The following PLEKHN1 variants were observed in gnomAD, a reference collection of about 807,000 sequenced individuals.
PLEKHN1 encodes pleckstrin homology domain containing N1.
Under a neutral mutation model 72.8 loss-of-function variants are expected in PLEKHN1, and 68 were observed. The observed-to-expected ratio is 0.93, with a 90% confidence interval of 0.77 to 1.14. The LOEUF is 1.14. Ranked by LOEUF, PLEKHN1 falls within the 50% of genes most tolerant of loss-of-function variation. The pLI is 0.00. For missense variants in PLEKHN1, 1,015 were observed against 840.5 expected (o/e 1.21, Z -2.57); for synonymous variants, 454 against 371.6 (o/e 1.22, Z -2.55).
In PLEKHN1 at chr1:973,223, G is replaced by A. The variant is rs775569859; in HGVS notation, c.1190G>A (p.Arg397Gln). The change falls in exon 12 of 16, where the codon CGG becomes CAG. Residue 397 changes from arginine to glutamine, a missense_variant. By Grantham distance (43) the Arg-to-Gln change is conservative. Coordinates refer to ENST00000379410, the MANE Select transcript of PLEKHN1 (RefSeq NM_032129.3). ...TCTGACCGTGCCAGCATTGGCCGACGGAGGACCGAGCTGAGACGCAGTGGC... is the reference window on the plus strand; with the variant it reads ...TCTGACCGTGCCAGCATTGGCCGACAGAGGACCGAGCTGAGACGCAGTGGC... Reference protein sequence around the residue: ...ANSDRASIGRRRTELRRSGSS... With the variant: ...ANSDRASIGRQRTELRRSGSS... 7.5e-5 allele frequency: 116 copies of A among 1,541,296 alleles called. No individual in the cohort carries two copies. The highest frequency in any genetic ancestry group is 2.0e-4 in the East Asian group (8 of 40,618).
rs890025939 is a variant in PLEKHN1 at position 973,710 on chromosome 1, G to A, written c.1434+70G>A. 3.7e-5 allele frequency: 58 copies of A among 1,580,418 alleles called. 1 individual carries two copies. Among genetic ancestry groups the A allele is most frequent in the South Asian group, 2.7e-4 (24 of 89,606 alleles). On this transcript the variant is annotated intron_variant, in intron 13 of 15. Transcript: ENST00000379410. ...GCCTGAGGCTGGGGAGGTCTAGACC[G>A]TGCGTCTCACCCTGGGGTCTGGGGC...
chr1:973,588 C>T lies in PLEKHN1; in HGVS notation c.1382C>T (p.Thr461Ile), dbSNP rs147671258. Residue 461 changes from threonine (T) to isoleucine (I), a missense_variant, in exon 13 of 16, where the codon ACA becomes ATA. Thr to Ile is a moderately conservative substitution (Grantham distance 89). Coordinates refer to ENST00000379410, the MANE Select transcript of PLEKHN1 (RefSeq NM_032129.3). ...SHSPLYADPYTPPATSHRRVT... is the reference protein window; with the variant it reads ...SHSPLYADPYIPPATSHRRVT... ...TCGCCCCTCTATGCCGACCCCTACA[C>T]ACCACCCGCCACCTCCCACCGCAGG... The T allele has an allele frequency of 2.2e-4, 353 of 1,613,186 alleles. No homozygotes were observed. Among genetic ancestry groups the T allele is most frequent in the South Asian group, 1.2e-3 (105 of 91,076 alleles).
intron 14 of PLEKHN1, 126 bp downstream of exon 14, chr1:974,177 G>A (rs575752278): frequency 1.3e-6 from 2 of 1,497,236 alleles, no homozygotes; most frequent in South Asian, 1.1e-5. Context: ...TGGAGGCCAG[G>A]GGGGCCAGTA....
At chr1:971,848 G>C (rs1643346260) in intron 8 of PLEKHN1, among the ~76,000 whole-genome samples, 1 of 152,244 alleles carries the variant, frequency 6.6e-6, no homozygotes. Flanking sequence ...CAAGAGGCCA[G>C]TCCTGTGGCT....
At chr1:969,437 TTGTG>T (rs768269811) in intron 2 of PLEKHN1, among the ~76,000 whole-genome samples, 4 of 151,626 alleles carry the variant, frequency 2.6e-5, no homozygotes, top group African/African-American at 4.9e-5. Flanking sequence ...GTTGGTGTAT[TTGTG>T]TGTGTGTGGA....
rs1570035909 is a variant in PLEKHN1 at position 971,296 on chromosome 1, T to A, written c.709-28T>A. The A allele has an allele frequency of 5.1e-6, 8 of 1,556,828 alleles. No individual in the cohort carries two copies. The East Asian group carries it at 1.9e-4, about 37-fold the overall frequency. ...GTGCAACAGCAGCTCAGTTCCCTCA[T>A]CGCCTGACCCCACCCCCACCCACCC... On this transcript the variant is annotated intron_variant, in intron 7 of 15. Transcript: ENST00000379410.
At position 972,393 on chromosome 1, in the gene PLEKHN1, T is replaced by A; in HGVS notation, c.971T>A (p.Leu324Gln). The change falls in exon 10 of 16, where the codon CTG becomes CAG. Residue 324 changes from leucine to glutamine, a missense_variant. Coordinates refer to ENST00000379410, the MANE Select transcript of PLEKHN1 (RefSeq NM_032129.3). Reference sequence around the variant, plus strand: ...ACCCACAGGGAGGGGGCCCCGCCGCTGCCTGGTGCCGAGAGCTTCCCAGGG... The same window carrying A: ...ACCCACAGGGAGGGGGCCCCGCCGCAGCCTGGTGCCGAGAGCTTCCCAGGG... ...AVTHREGAPP[L>Q]PGAESFPGSQ... 1 of 1,586,976 alleles carries A rather than the reference T, an allele frequency of 6.3e-7. No individual in the cohort carries two copies. The highest frequency in any genetic ancestry group is 1.3e-5 in the African/African-American group (1 of 74,646).
intron 2 of PLEKHN1, among the ~76,000 whole-genome samples, chr1:968,219 C>T (rs958293610): frequency 1.3e-5 from 2 of 152,210 alleles, no homozygotes; most frequent in Non-Finnish European, 2.9e-5. Flanking sequence ...GAAAGCCATG[C>T]GTCTGTCTGT....
Position 974,507 on chromosome 1 carries a change from T to C in PLEKHN1, c.1768T>C (p.Ser590Pro). ...YDHLWDETLS[S>P]SHQKCPQLGG... The stretch of plus-strand genomic sequence containing the variant: ...CCACCTCTGGGACGAGACTTTGTCT[T>C]CCTCCCACCAGAAGTGCCCCCAGCT... Residue 590 changes from serine (S) to proline (P), a missense_variant, in exon 16 of 16, where the codon TCC becomes CCC. Coordinates refer to ENST00000379410, the MANE Select transcript of PLEKHN1 (RefSeq NM_032129.3). 1 of 1,612,590 alleles carries C rather than the reference T, an allele frequency of 6.2e-7. No homozygotes were observed. The highest frequency in any genetic ancestry group is 8.5e-7 in the Non-Finnish European group (1 of 1,179,884).
rs145729592 is a variant in PLEKHN1, at chr1:970,703, G to A, written c.429G>A (p.Thr143=). The change falls in exon 5 of 16, where the codon ACG becomes ACA. Residue 143 remains threonine (T), a synonymous_variant. Transcript: ENST00000379410. The surrounding 1 kb of genome is among the most constrained non-coding windows in gnomAD (Gnocchi z 4.2). ...GLTFQGLLPL[T]ELSVCPLEGS... ...CCTGGCAGGGGCTGTTACCGCTGAC[G>A]GAGCTGAGTGTCTGCCCGCTCGAGG... The A allele has an allele frequency of 4.4e-5, 71 of 1,597,410 alleles. No homozygotes were observed. Among genetic ancestry groups the A allele is most frequent in the African/African-American group, 2.5e-4 (19 of 74,822 alleles).
rs759506222 is a variant in PLEKHN1 at position 974,030 on chromosome 1, GCCCCCA to G, written c.1633_1638del (p.Pro545_Pro546del). 5 of 1,589,976 alleles carry G rather than the reference GCCCCCA, an allele frequency of 3.1e-6. No homozygotes were observed. The highest frequency in any genetic ancestry group is 1.3e-5 in the African/African-American group (1 of 74,448). On this transcript the variant is annotated inframe_deletion, in exon 14 of 16. Coordinates refer to ENST00000379410, the MANE Select transcript of PLEKHN1 (RefSeq NM_032129.3). ...GCTCAGCCAAGGATGGGGGGCCGCA[GCCCCCA>G]GACGCCCCTCAGCTTGTGAGTAGCA...
chr1:972,200 G>A (rs1198568843), intron 9 of PLEKHN1, 50 bp downstream of exon 9: 1 of 1,605,752 alleles, frequency 6.2e-7, no homozygotes, highest in East Asian at 2.2e-5. Flanking sequence ...GCCATGGTGG[G>A]GCGGGAGCCT....
At chr1:969,518 G>C (rs1157822732) in intron 2 of PLEKHN1, among the ~76,000 whole-genome samples, 2 of 152,206 alleles carry the variant, frequency 1.3e-5, no homozygotes, top group African/African-American at 2.4e-5. Context: ...AGGTGTGCAT[G>C]TGTATGTGTG....
chr1:966,656 C>T (rs1186386263), intron 1 of PLEKHN1, 42 bp downstream of exon 1: 1 of 1,588,466 alleles, frequency 6.3e-7, no homozygotes, highest in African/African-American at 1.3e-5. Context: ...GCAGGGCTCC[C>T]CCACCCGCTC....
rs759304010 is a variant in PLEKHN1, at chr1:972,896, C to T, written c.1038C>T (p.Gly346=). ...MGSGRGSLSS[G]GQTSWDSGCL... ...GTGGCCGAGGCTCACTCTCCTCAGGCGGACAGACCAGCTGGGACTCGGGGT... is the reference window on the plus strand; with the variant it reads ...GTGGCCGAGGCTCACTCTCCTCAGGTGGACAGACCAGCTGGGACTCGGGGT... The change falls in exon 11 of 16, where the codon GGC becomes GGT. Residue 346 remains glycine (G), a synonymous_variant. Coordinates refer to ENST00000379410, the MANE Select transcript of PLEKHN1 (RefSeq NM_032129.3). The T allele has an allele frequency of 4.9e-5, 77 of 1,558,678 alleles. No individual in the cohort carries two copies. Among genetic ancestry groups the T allele is most frequent in the Admixed American group, 2.1e-4 (11 of 52,340 alleles).
In PLEKHN1 at chr1:970,581, T is replaced by TC; in HGVS notation, c.392dup (p.Glu132GlyfsTer157). The TC allele has an allele frequency of 6.2e-7, 1 of 1,612,746 alleles. No individual in the cohort carries two copies. On this transcript the variant is annotated frameshift_variant, in exon 4 of 16. Transcript: ENST00000379410. LOFTEE classifies it high-confidence loss of function. The surrounding 1 kb of genome is among the most constrained non-coding windows in gnomAD (Gnocchi z 4.2). ...CCACCTGTACTTCCAGGCCCACGGC[T>TC]CGGAAGGACTCACATTTCAGGTGAG...
Position 970,406 on chromosome 1 carries a change from C to T in PLEKHN1, c.313C>T (p.Arg105Trp), listed in dbSNP as rs1021574814. The change falls in exon 3 of 16, where the codon CGG (arginine) becomes TGG (tryptophan). Residue 105 changes from arginine (R) to tryptophan (W), a missense_variant. By Grantham distance (101) the Arg-to-Trp change is moderately radical. Coordinates refer to ENST00000379410, the MANE Select transcript of PLEKHN1 (RefSeq NM_032129.3). The surrounding 1 kb of genome is among the most constrained non-coding windows in gnomAD (Gnocchi z 4.2). The stretch of plus-strand genomic sequence containing the variant: ...TGTGCATTACGCCAAGGTCCAGCTG[C>T]GGTTCCAGCACAGCCAGGTGGGGGC... The part of the protein sequence containing the change: ...KVVHYAKVQL[R>W]FQHSQDVSDC... 6.8e-6 allele frequency: 11 copies of T among 1,613,214 alleles called. No homozygotes were observed. Among genetic ancestry groups the T allele is most frequent in the East Asian group, 2.2e-5 (1 of 44,896 alleles).
intron 2 of PLEKHN1, among the ~76,000 whole-genome samples, chr1:968,028 G>C (rs1228594540): frequency 1.3e-5 from 2 of 152,226 alleles, no homozygotes; most frequent in East Asian, 3.8e-4. Context: ...CCAGTGCTGT[G>C]AGCTGGCTCT....
intron 2 of PLEKHN1, among the ~76,000 whole-genome samples, chr1:967,913 C>T (rs1451861813): frequency 6.6e-6 from 1 of 152,182 alleles, no homozygotes; most frequent in Non-Finnish European, 1.5e-5. Context: ...GACATGGTAG[C>T]CACAGAGGCA....
Sources: allele counts gnomAD v4.1 joint callset (sites outside exome capture counted in the v4.1 genomes callset), GRCh38; gene constraint gnomAD v4.1.1; non-coding constraint Gnocchi (gnomAD v3.1); transcripts MANE v1.5; gene names NCBI Gene and HGNC (gene_info 2026-07-23, HGNC 2026-07-21).